CAPN9: variants seen among roughly 807,000 people sequenced by gnomAD.
The protein encoded by CAPN9 is calpain 9.
Under a neutral mutation model 92.8 loss-of-function variants are expected in CAPN9, and 81 were observed. That is an observed-to-expected ratio of 0.87 (90% CI 0.73 to 1.05). The LOEUF is 1.05. CAPN9 is among the 50% of genes least tolerant of loss of function. The pLI is 0.00. For missense variants in CAPN9, 848 were observed against 866.2 expected (o/e 0.98, Z 0.26); for synonymous variants, 304 against 328.0 (o/e 0.93, Z 0.79).
chr1:230,793,202 G>A (rs1162846603), intron 17 of CAPN9, among the ~76,000 whole-genome samples: 2 of 152,196 alleles, frequency 1.3e-5, no homozygotes, highest in African/African-American at 4.8e-5. Flanking sequence ...CTGCCCTCTG[G>A]AGGCCTCATA....
At chr1:230,764,179 G>C (rs1480851099) in intron 4 of CAPN9, among the ~76,000 whole-genome samples, 4 of 152,238 alleles carry the variant, frequency 2.6e-5, no homozygotes, top group South Asian at 2.1e-4. Context: ...GTCTGTGAGA[G>C]TGTTTCTGGA....
At chr1:230,790,957 A>T (rs1391169501) in intron 14 of CAPN9, among the ~76,000 whole-genome samples, 1 of 152,096 alleles carries the variant, frequency 6.6e-6, no homozygotes, top group Non-Finnish European at 1.5e-5. Flanking sequence ...TTTCAGGGGG[A>T]AAAAAAGGAA....
intron 9 of CAPN9, 42 bp from the exon 10 acceptor site, chr1:230,780,137 T>C (rs1162999563): frequency 1.9e-6 from 3 of 1,557,586 alleles, no homozygotes; most frequent in African/African-American, 2.7e-5. Flanking sequence ...TTGTGGGTTG[T>C]TTTTTAAAAG....
At position 230,762,716 on chromosome 1, in the gene CAPN9, C is replaced by A. The variant is rs115689529; in HGVS notation, c.466C>A (p.Arg156Ser). 5,781 of 1,614,132 alleles carry A rather than the reference C, an allele frequency of 3.6e-3. 21 individuals carry two copies. The highest frequency in any genetic ancestry group is 4.6e-3 in the Non-Finnish European group (5,394 of 1,179,998). ...TGACCGCCTGCCCACCTTCAGGGAC[C>A]GCTTGGTTTTCCTCCACTCTGCCGA... ...IDDRLPTFRD[R>S]LVFLHSADHN... The change falls in exon 4 of 20, where the codon CGC becomes AGC. Residue 156 changes from arginine to serine, a missense_variant. Coordinates refer to ENST00000271971, the MANE Select transcript of CAPN9 (RefSeq NM_006615.3).
intron 15 of CAPN9, 118 bp from the exon 16 acceptor site, chr1:230,792,308 A>T: frequency 2.5e-6 from 2 of 799,964 alleles, no homozygotes; most frequent in Non-Finnish European, 4.3e-6. Flanking sequence ...CAGGGCCCCA[A>T]ACCTGTGCAC....
At chr1:230,779,895 A>G (rs1667087442) in intron 9 of CAPN9, among the ~76,000 whole-genome samples, 1 of 152,226 alleles carries the variant, frequency 6.6e-6, no homozygotes, top group South Asian at 2.1e-4. Context: ...GACTAGACCC[A>G]GAAGAATGTC....
chr1:230,783,691 A>G (rs991110688), intron 11 of CAPN9, among the ~76,000 whole-genome samples: 4 of 152,234 alleles, frequency 2.6e-5, no homozygotes, highest in African/African-American at 9.7e-5. Flanking sequence ...TCTTTATAGC[A>G]GTACAAGAAC....
At chr1:230,782,527 C>T (rs1439812632) in intron 11 of CAPN9, among the ~76,000 whole-genome samples, 1 of 152,166 alleles carries the variant, frequency 6.6e-6, no homozygotes, top group Non-Finnish European at 1.5e-5. Flanking sequence ...GAAGCCTGCT[C>T]CTCCTCTTAA....
intron 1 of CAPN9, among the ~76,000 whole-genome samples, chr1:230,752,505 C>T (rs1441578982): frequency 2.0e-5 from 3 of 152,114 alleles, no homozygotes; most frequent in African/African-American, 7.2e-5. Context: ...CTGAACAAAA[C>T]AACCAATTGC....
At chr1:230,748,272 C>T (rs1037097532) in intron 1 of CAPN9, among the ~76,000 whole-genome samples, 1 of 152,190 alleles carries the variant, frequency 6.6e-6, no homozygotes, top group Middle Eastern at 3.2e-3. Context: ...CTGGAGGTGT[C>T]GTCCCAAGAG....
At chr1:230,751,484 GAGGA>G (rs1238810225) in intron 1 of CAPN9, among the ~76,000 whole-genome samples, 1 of 142,066 alleles carries the variant, frequency 7.0e-6, no homozygotes, top group African/African-American at 2.5e-5. Flanking sequence ...GAAGGGAAGG[GAGGA>G]AGGGAGGAAG....
In CAPN9 at chr1:230,790,208, G is replaced by A. The variant is rs28359706; in HGVS notation, c.1657+19G>A. The A allele has an allele frequency of 2.1e-3, 3,334 of 1,613,464 alleles. 52 individuals are homozygous for A. In the African/African-American group the frequency reaches 0.038, roughly 18 times the overall value. On this transcript the variant is annotated intron_variant, in intron 14 of 19. Coordinates refer to ENST00000271971, the MANE Select transcript of CAPN9 (RefSeq NM_006615.3). ...CAAAAGAGTAAGTGCCAACCCCATC[G>A]GGGTCCTGGGGCACCTATGGAGGGA... is the stretch of plus-strand genomic sequence containing the variant.
At chr1:230,782,368 G>C (rs918980744) in intron 11 of CAPN9, among the ~76,000 whole-genome samples, 1 of 152,200 alleles carries the variant, frequency 6.6e-6, no homozygotes, top group African/African-American at 2.4e-5. Context: ...ATGCCCAGGG[G>C]ATGAGGAGGA....
chr1:230,751,888 C>T (rs1478744113), intron 1 of CAPN9, among the ~76,000 whole-genome samples: 4 of 150,270 alleles, frequency 2.7e-5, no homozygotes, highest in African/African-American at 7.3e-5. Flanking sequence ...GAGGGGTCTG[C>T]GTGCCTCCCT....
Position 230,801,568 on chromosome 1 carries a change from A to G in CAPN9, c.2047-2A>G. 6.2e-7 allele frequency: 1 copy of G among 1,613,930 alleles called. No homozygotes were observed. Among genetic ancestry groups the G allele is most frequent in the Non-Finnish European group, 8.5e-7 (1 of 1,179,838 alleles). On this transcript the variant is annotated splice_acceptor_variant, in intron 19 of 19. Coordinates refer to ENST00000271971, the MANE Select transcript of CAPN9 (RefSeq NM_006615.3). LOFTEE classifies it high-confidence loss of function. ...CCCTCATCTCTCTCTCTCTCTTCCC[A>G]GTTCATCCATTTGACAATGAACATC...
chr1:230,751,623 GAAAGAAAGAAAGAAAGAAAGAA>G (rs1664815527), intron 1 of CAPN9, among the ~76,000 whole-genome samples: 1 of 65,352 alleles, frequency 1.5e-5, no homozygotes. Context: ...AAGAAAGAAA[GAAAGAAAGAAAGAAAGAAAGAA>G]AGAAAGAAAG....
intron 7 of CAPN9, among the ~76,000 whole-genome samples, chr1:230,774,237 G>A (rs16852644): frequency 0.013 from 1,955 of 152,330 alleles, 49 homozygotes; most frequent in African/African-American, 0.044. Context: ...GCTTCCAGCC[G>A]GGCTCTTCTG....
intron 8 of CAPN9, among the ~76,000 whole-genome samples, chr1:230,777,871 T>G (rs1394095636): frequency 2.6e-5 from 4 of 152,162 alleles, no homozygotes; most frequent in African/African-American, 9.7e-5. Context: ...CTGTTAGCAC[T>G]GAGGTGTCCC....
intron 18 of CAPN9, among the ~76,000 whole-genome samples, chr1:230,797,254 C>T (rs748816747): frequency 1.5e-4 from 23 of 152,212 alleles, no homozygotes; most frequent in Admixed American, 6.5e-5. Flanking sequence ...GCTCCCGCAA[C>T]ACATACATTT....
Sources: allele counts gnomAD v4.1 joint callset (sites outside exome capture counted in the v4.1 genomes callset), GRCh38; gene constraint gnomAD v4.1.1; transcripts MANE v1.5; gene names NCBI Gene and HGNC (gene_info 2026-07-23, HGNC 2026-07-21).